The following KHDRBS2 variants were observed in gnomAD, a reference collection of about 807,000 sequenced individuals.
The protein encoded by KHDRBS2 is KH RNA binding domain containing, signal transduction associated 2, also known as KH domain-containing, RNA-binding, signal transduction-associated protein 2.
In KHDRBS2, 26 loss-of-function variants were observed where a neutral mutation model predicts 44.3. The ratio of observed to expected loss-of-function variants is 0.59; its 90% CI spans 0.43 to 0.81. KHDRBS2 has a LOEUF of 0.81. KHDRBS2 is among the 40% of genes least tolerant of loss of function. The probability of loss-of-function intolerance (pLI) is 0.00; values close to 1 mark genes in which losing one functional copy is unlikely to be tolerated. For synonymous variants in KHDRBS2, 194 were observed against 151.1 expected, an observed-to-expected ratio of 1.28 and a Z score of -2.08; for missense variants, 476 against 433.1, an observed-to-expected ratio of 1.10 and a Z score of -0.88.
intron 6 of KHDRBS2, among the ~76,000 whole-genome samples, chr6:61,891,588 G>T (rs1801852953): frequency 6.6e-6 from 1 of 152,084 alleles, no homozygotes; most frequent in Non-Finnish European, 1.5e-5. Flanking sequence ...ATGCAAGACT[G>T]GTTCAACATA....
intron 1 of KHDRBS2, among the ~76,000 whole-genome samples, chr6:62,179,909 C>T (rs549509617): frequency 6.6e-6 from 1 of 151,724 alleles, no homozygotes; most frequent in Admixed American, 6.6e-5. Flanking sequence ...ATCTTGTCTT[C>T]TTTGGCATAT....
At chr6:61,960,388 A>G (rs548293172) in intron 4 of KHDRBS2, among the ~76,000 whole-genome samples, 14 of 152,090 alleles carry the variant, frequency 9.2e-5, no homozygotes, top group Non-Finnish European at 1.8e-4. Context: ...ATATTTTTCT[A>G]ATGTATATTT....
chr6:62,181,717 C>G (rs565697645), intron 1 of KHDRBS2, among the ~76,000 whole-genome samples: 1 of 151,850 alleles, frequency 6.6e-6, no homozygotes, highest in Non-Finnish European at 1.5e-5. Context: ...TGTTCAAATC[C>G]TGACTCCAAG....
At chr6:61,562,026 C>A in the KHDRBS2 span, among the ~76,000 whole-genome samples, 1 of 152,112 alleles carries the variant, frequency 6.6e-6, no homozygotes, top group African/African-American at 2.4e-5. Flanking sequence ...GGCCAAATGA[C>A]CATGTTTAAC....
chr6:61,568,232 G>A, the KHDRBS2 span, among the ~76,000 whole-genome samples: 3 of 152,118 alleles, frequency 2.0e-5, no homozygotes, highest in Admixed American at 1.3e-4. Flanking sequence ...TTGTTGTTTT[G>A]GGTACTATAG....
the KHDRBS2 span, among the ~76,000 whole-genome samples, chr6:61,628,233 TTTTTTTTTC>T: frequency 5.1e-5 from 5 of 97,640 alleles, no homozygotes; most frequent in African/African-American, 1.2e-4. Flanking sequence ...TTTTTTTTTT[TTTTTTTTTC>T]AACCTGGGCT....
At chr6:61,754,044 G>C (rs1191826155) in intron 6 of KHDRBS2, among the ~76,000 whole-genome samples, 2 of 152,116 alleles carry the variant, frequency 1.3e-5, no homozygotes, top group South Asian at 2.1e-4. Context: ...CCTCCAGAGG[G>C]AACAAGTTCT....
At chr6:61,591,086 A>C in the KHDRBS2 span, among the ~76,000 whole-genome samples, 4 of 152,194 alleles carry the variant, frequency 2.6e-5, no homozygotes, top group Non-Finnish European at 5.9e-5. Context: ...TTGCAGGATG[A>C]GAATGAAATC....
At chr6:62,117,472 G>A (rs1270199707) in intron 2 of KHDRBS2, among the ~76,000 whole-genome samples, 2 of 152,018 alleles carry the variant, frequency 1.3e-5, no homozygotes, top group Admixed American at 6.6e-5. Flanking sequence ...TGCTATTGAT[G>A]TCGTTTGAGT....
intron 5 of KHDRBS2, among the ~76,000 whole-genome samples, chr6:61,896,696 A>G (rs1450837577): frequency 2.6e-5 from 4 of 152,172 alleles, no homozygotes; most frequent in African/African-American, 4.8e-5. Flanking sequence ...ACTTGCTGAA[A>G]GAATATTTTC....
chr6:62,133,552 CCAGTAGAGTGGG>C (rs1438831799), intron 2 of KHDRBS2, among the ~76,000 whole-genome samples: 1 of 152,028 alleles, frequency 6.6e-6, no homozygotes, highest in African/African-American at 2.4e-5. Flanking sequence ...TAAGTTGGTA[CCAGTAGAGTGGG>C]GCACTGCCAT....
At chr6:62,203,678 C>A (rs1421666313) in intron 1 of KHDRBS2, among the ~76,000 whole-genome samples, 5 of 152,046 alleles carry the variant, frequency 3.3e-5, no homozygotes, top group South Asian at 2.1e-4. Flanking sequence ...ATAGCTGAAT[C>A]ATAAAAGACT....
At chr6:62,065,999 G>A (rs1481163578) in intron 2 of KHDRBS2, among the ~76,000 whole-genome samples, 1 of 151,564 alleles carries the variant, frequency 6.6e-6, no homozygotes, top group Non-Finnish European at 1.5e-5. Flanking sequence ...CTTTGGTCAT[G>A]TTTTAAATGT....
chr6:61,603,128 C>A, the KHDRBS2 span, among the ~76,000 whole-genome samples: 20 of 152,276 alleles, frequency 1.3e-4, no homozygotes, highest in African/African-American at 3.4e-4. Context: ...AGGATTAAAG[C>A]CTGTTGTCAC....
intron 4 of KHDRBS2, among the ~76,000 whole-genome samples, chr6:61,920,066 G>T (rs944578938): frequency 4.6e-5 from 7 of 151,858 alleles, no homozygotes; most frequent in African/African-American, 1.7e-4. Context: ...ACTATACAGT[G>T]GTAAAATTTG....
chr6:61,799,240 C>T (rs771558656), intron 6 of KHDRBS2, among the ~76,000 whole-genome samples: 15 of 151,942 alleles, frequency 9.9e-5, no homozygotes, highest in Admixed American at 2.0e-4. Context: ...GCTACATAAG[C>T]GCCTTTTTCT....
chr6:62,195,225 TTTG>T (rs1825432611), intron 1 of KHDRBS2, among the ~76,000 whole-genome samples: 1 of 152,196 alleles, frequency 6.6e-6, no homozygotes, highest in African/African-American at 2.4e-5. Context: ...TTCAAACCCT[TTTG>T]TTGATGTATA....
intron 2 of KHDRBS2, among the ~76,000 whole-genome samples, chr6:62,157,154 G>C (rs1816622134): frequency 1.3e-5 from 2 of 151,046 alleles, no homozygotes; most frequent in African/African-American, 4.9e-5. Context: ...AAGTGATCGA[G>C]ACCATCCTGG....
At chr6:61,950,367 A>G (rs914240730) in intron 4 of KHDRBS2, among the ~76,000 whole-genome samples, 2 of 152,038 alleles carry the variant, frequency 1.3e-5, no homozygotes, top group Non-Finnish European at 2.9e-5. Context: ...TAGGAAATGA[A>G]TTTCCTCAAT....
Sources: gnomAD v4.1 joint callset for allele counts (sites outside exome capture counted in the v4.1 genomes callset) on GRCh38, gnomAD v4.1.1 for gene constraint, MANE v1.5 for transcripts, NCBI Gene and HGNC (gene_info 2026-07-23, HGNC 2026-07-21) for gene names.